The following NEK5 variants were observed in gnomAD, a reference collection of about 807,000 sequenced individuals.
The protein encoded by NEK5 is serine/threonine-protein kinase Nek5.
Under a neutral mutation model 109.2 loss-of-function variants are expected in NEK5, and 88 were observed. The observed-to-expected ratio is 0.81, with a 90% CI of 0.68 to 0.96. The LOEUF is 0.96. NEK5 is among the 40% of genes least tolerant of loss of function. The probability of loss-of-function intolerance (pLI) is 0.00; values close to 1 mark genes in which losing one functional copy is unlikely to be tolerated. For synonymous variants in NEK5, 283 were observed against 299.9 expected, an observed-to-expected ratio of 0.94 and a Z score of 0.58; for missense variants, 834 against 920.7, an observed-to-expected ratio of 0.91 and a Z score of 1.22.
intron 13 of NEK5, among the ~76,000 whole-genome samples, chr13:52,090,625 C>T (rs185838224): frequency 1.3e-5 from 2 of 152,278 alleles, no homozygotes. Flanking sequence ...GCACATGTAT[C>T]AATATCTTCA....
At position 52,095,904 on chromosome 13, in the gene NEK5, C is replaced by T. The variant is rs577158309; in HGVS notation, c.1027-2669G>A. Among the ~76,000 whole-genome samples the T allele has an allele frequency of 4.6e-5, 7 of 152,288 alleles. No individual in the cohort carries two copies. The South Asian group carries it at 1.4e-3, about 32-fold the overall frequency. On this transcript the variant is annotated intron_variant, in intron 12 of 23. Coordinates refer to ENST00000684899, the MANE Select transcript of NEK5 (RefSeq NM_001365552.1). ...TGTCTCTGCCCAATCTCATGTTGCACTGTAATCCCCAATGTTGGGAGACGA... is the reference window on the plus strand; with the variant it reads ...TGTCTCTGCCCAATCTCATGTTGCATTGTAATCCCCAATGTTGGGAGACGA...
In NEK5 at chr13:52,075,743, GA is replaced by G. The variant is rs766424434; in HGVS notation, c.1722+14del. 1.4e-6 allele frequency: 2 copies of G among 1,480,512 alleles called. No individual in the cohort carries two copies. The highest frequency in any genetic ancestry group is 1.8e-6 in the Non-Finnish European group (2 of 1,086,076). 91.7% of individuals were successfully genotyped at this position (1,480,512 alleles called of 1,614,324 possible). A position where few individuals can be genotyped will look rare whatever the true frequency, so the allele number is the denominator to read the frequency against. ...TCTGATACCTACTAATGGAAATTTA[GA>G]CTTAATGGCATACCTCTTCCTCTTG... On this transcript the variant is annotated intron_variant, in intron 19 of 23. Coordinates refer to ENST00000684899, the MANE Select transcript of NEK5 (RefSeq NM_001365552.1).
At chr13:52,081,123 G>A (rs1433816379) in intron 17 of NEK5, among the ~76,000 whole-genome samples, 5 of 152,122 alleles carry the variant, frequency 3.3e-5, no homozygotes, top group African/African-American at 1.2e-4. Context: ...AATGGCAGTC[G>A]CCATTGATTG....
At chr13:52,047,520 C>T (rs1043361793) in intron 23 of NEK5, among the ~76,000 whole-genome samples, 5 of 152,000 alleles carry the variant, frequency 3.3e-5, no homozygotes, top group Admixed American at 6.6e-5. Context: ...AAATTTGGGA[C>T]GTATTTTAAA....
chr13:52,072,639 C>T (rs193217705), intron 19 of NEK5, among the ~76,000 whole-genome samples: 7 of 152,342 alleles, frequency 4.6e-5, no homozygotes, highest in Admixed American at 1.3e-4. Flanking sequence ...AGATCTGCTC[C>T]ACTCTGATGT....
In NEK5 at chr13:52,084,762, AGTGTGTGTGTGTGTGT is replaced by A. The variant is rs368429926; in HGVS notation, c.1480-1426_1480-1411del. On this transcript the variant is annotated intron_variant, in intron 16 of 23. Coordinates refer to ENST00000684899, the MANE Select transcript of NEK5 (RefSeq NM_001365552.1). ...GAGAGAGAGAGAGAGAGAGAGAGAG[AGTGTGTGTGTGTGTGT>A]GTGTGTGTGTGTGTGTGTGTGTGTG... Among the ~76,000 whole-genome samples the A allele has an allele frequency of 9.7e-4, 46 of 47,416 alleles. No individual in the cohort carries two copies. The South Asian group carries it at 0.027, about 28-fold the overall frequency. 31.1% of individuals were successfully genotyped at this position (47,416 alleles called of 152,430 possible).
intron 22 of NEK5, among the ~76,000 whole-genome samples, chr13:52,055,175 G>A (rs1954543199): frequency 1.3e-5 from 2 of 152,174 alleles, no homozygotes; most frequent in Non-Finnish European, 2.9e-5. Context: ...GAGCCGATGC[G>A]ATCAACTGGA....
intron 12 of NEK5, among the ~76,000 whole-genome samples, chr13:52,097,668 G>A (rs530352496): frequency 1.3e-5 from 2 of 151,974 alleles, no homozygotes; most frequent in Middle Eastern, 3.4e-3. Context: ...CCTCACAGGT[G>A]GAAGGGACTT....
intron 7 of NEK5, among the ~76,000 whole-genome samples, chr13:52,108,624 T>G (rs965343044): frequency 6.6e-6 from 1 of 152,192 alleles, no homozygotes; most frequent in Non-Finnish European, 1.5e-5. Flanking sequence ...CATTAAAATA[T>G]ATTTTTTATG....
intron 8 of NEK5, among the ~76,000 whole-genome samples, chr13:52,105,505 C>T (rs186481963): frequency 7.6e-4 from 116 of 152,028 alleles, no homozygotes; most frequent in African/African-American, 2.3e-3. Context: ...AGGTGTGAGC[C>T]GCCTGCACCT....
At chr13:52,039,539 G>A (rs1465601820) in intron 23 of NEK5, among the ~76,000 whole-genome samples, 5 of 152,166 alleles carry the variant, frequency 3.3e-5, no homozygotes, top group African/African-American at 1.2e-4. Flanking sequence ...CAGATATGAT[G>A]ATTACTGGCT....
chr13:52,065,639 G>T (rs780795880), intron 20 of NEK5, 30 bp from the exon 21 acceptor site: 6 of 1,526,502 alleles, frequency 3.9e-6, no homozygotes, highest in East Asian at 4.5e-5. Context: ...TCATTAATTC[G>T]AAAGCAGTCA....
intron 3 of NEK5, among the ~76,000 whole-genome samples, chr13:52,120,847 G>A (rs960496138): frequency 1.3e-5 from 2 of 151,734 alleles, no homozygotes; most frequent in African/African-American, 4.8e-5. Flanking sequence ...GGGAGATGGA[G>A]GCTGCAGTAA....
In NEK5 at chr13:52,093,747, A is replaced by G. The variant is rs143951679; in HGVS notation, c.1027-512T>C. ...GTACTAGATAGTATAGTGGTTTACA[A>G]TTTTGCTAAGGTATGGATATGAATC... is the stretch of plus-strand genomic sequence containing the variant. On this transcript the variant is annotated intron_variant, in intron 12 of 23. Transcript: ENST00000684899. Among the ~76,000 whole-genome samples the G allele has an allele frequency of 1.6e-3, 245 of 152,288 alleles. 2 individuals are homozygous for G. Among genetic ancestry groups the G allele is most frequent in the African/African-American group, 5.6e-3 (231 of 41,560 alleles).
At chr13:52,127,887 C>G (rs533002543) in intron 1 of NEK5, among the ~76,000 whole-genome samples, 33 of 152,264 alleles carry the variant, frequency 2.2e-4, no homozygotes, top group East Asian at 7.7e-4. Flanking sequence ...GGCTTGTGCA[C>G]TTTTATAGTT....
chr13:52,038,690 G>T (rs1214203662), intron 23 of NEK5, among the ~76,000 whole-genome samples: 5 of 151,602 alleles, frequency 3.3e-5, no homozygotes, highest in African/African-American at 1.2e-4. Context: ...TCTCACCTCA[G>T]CCTCCCAAAG....
chr13:52,115,449 A>G (rs1009307275), intron 4 of NEK5, among the ~76,000 whole-genome samples: 2 of 151,412 alleles, frequency 1.3e-5, no homozygotes, highest in African/African-American at 4.8e-5. Context: ...TACTAAAAAT[A>G]CAAAAATTAG....
intron 8 of NEK5, among the ~76,000 whole-genome samples, chr13:52,106,307 G>A (rs1190684438): frequency 1.3e-5 from 2 of 152,092 alleles, no homozygotes; most frequent in Non-Finnish European, 2.9e-5. Context: ...AGTATCTCTT[G>A]GGCATTTTTT....
chr13:52,049,601 G>T (rs1694283237), intron 23 of NEK5, among the ~76,000 whole-genome samples: 1 of 151,534 alleles, frequency 6.6e-6, no homozygotes, highest in Non-Finnish European at 1.5e-5. Flanking sequence ...GGCTTCCCTG[G>T]CACATTGGAA....
Sources: gnomAD v4.1 joint callset for allele counts (sites outside exome capture counted in the v4.1 genomes callset) on GRCh38, gnomAD v4.1.1 for gene constraint, MANE v1.5 for transcripts, NCBI Gene and HGNC (gene_info 2026-07-23, HGNC 2026-07-21) for gene names.